The following PDGFD variants were observed in gnomAD, a reference collection of about 807,000 sequenced individuals.
PDGFD encodes platelet derived growth factor D.
A neutral mutation model predicts 44.7 loss-of-function variants in PDGFD; 30 were observed. The ratio of observed to expected loss-of-function variants is 0.67; its 90% confidence interval spans 0.50 to 0.91. The LOEUF (loss-of-function observed/expected upper bound fraction) is 0.91, where lower values mean the gene tolerates loss of function less well. Among genes scored for constraint, PDGFD ranks in the 40% least tolerant of loss-of-function variants. The pLI, the probability that PDGFD is intolerant of heterozygous loss-of-function variation, is 0.00. For missense variants in PDGFD, 445 were observed against 457.8 expected, an observed-to-expected ratio of 0.97 and a Z score of 0.25; for synonymous variants, 173 against 168.4, an observed-to-expected ratio of 1.03 and a Z score of -0.21.
chr11:104,053,997 A>C (rs1405991114), intron 1 of PDGFD, among the ~76,000 whole-genome samples: 1 of 152,182 alleles, frequency 6.6e-6, no homozygotes, highest in African/African-American at 2.4e-5. Flanking sequence ...CCAGCAAACA[A>C]AGAGGCATGT....
At chr11:104,017,134 T>C (rs556608729) in intron 1 of PDGFD, among the ~76,000 whole-genome samples, 7 of 152,238 alleles carry the variant, frequency 4.6e-5, no homozygotes, top group African/African-American at 1.4e-4. Flanking sequence ...TGTGAGGACA[T>C]AGAGAGAAGG....
intron 6 of PDGFD, among the ~76,000 whole-genome samples, chr11:103,916,618 A>G (rs189155340): frequency 2.0e-5 from 3 of 152,290 alleles, no homozygotes; most frequent in East Asian, 1.9e-4. Flanking sequence ...AAATCATTCT[A>G]TTATAAAGAC....
intron 5 of PDGFD, among the ~76,000 whole-genome samples, chr11:103,941,524 A>T (rs1858583661): frequency 6.6e-6 from 1 of 152,120 alleles, no homozygotes; most frequent in South Asian, 2.1e-4. Context: ...TTGAACACGT[A>T]TCAAGTGTCA....
intron 1 of PDGFD, among the ~76,000 whole-genome samples, chr11:104,085,456 A>G (rs1025674407): frequency 2.6e-5 from 4 of 152,182 alleles, no homozygotes; most frequent in African/African-American, 9.7e-5. Context: ...TTACCCATTC[A>G]TTCACTGAAC....
At chr11:103,957,564 A>G (rs933335981) in intron 3 of PDGFD, among the ~76,000 whole-genome samples, 2 of 152,296 alleles carry the variant, frequency 1.3e-5, no homozygotes, top group Admixed American at 1.3e-4. Flanking sequence ...ATAATGCCGC[A>G]TATCTACAAC....
chr11:103,984,159 C>CAT (rs1859316514), intron 3 of PDGFD, among the ~76,000 whole-genome samples: 1 of 151,686 alleles, frequency 6.6e-6, no homozygotes, highest in East Asian at 1.9e-4. Context: ...GGAATCAAGA[C>CAT]ATATGGTCAT....
At chr11:104,119,900 A>G (rs551747963) in intron 1 of PDGFD, among the ~76,000 whole-genome samples, 35 of 123,786 alleles carry the variant, frequency 2.8e-4, no homozygotes, top group African/African-American at 9.6e-4. Context: ...ATAATTATAT[A>G]ATATATAAGC....
In PDGFD at chr11:104,152,066, A is replaced by G. The variant is rs553141312; in HGVS notation, c.124+11738T>C. 6.6e-5 allele frequency among the ~76,000 whole-genome samples: 10 copies of G among 152,290 alleles called. 1 individual carries two copies. The South Asian group carries it at 2.1e-3, about 32-fold the overall frequency. Reference sequence around the variant, plus strand: ...GAGCAGAGACTGTGCCTTAGGTTTGACTATTTCTGCTCCATGGTGCCTCAT... The same window carrying G: ...GAGCAGAGACTGTGCCTTAGGTTTGGCTATTTCTGCTCCATGGTGCCTCAT... On this transcript the variant is annotated intron_variant, in intron 1 of 6. Transcript: ENST00000393158.
intron 1 of PDGFD, among the ~76,000 whole-genome samples, chr11:104,122,099 C>T (rs1861785784): frequency 6.6e-6 from 1 of 151,816 alleles, no homozygotes; most frequent in African/African-American, 2.4e-5. Context: ...AAAAAGCAGC[C>T]CCAAGAAATT....
rs148604160 is a variant in PDGFD, at chr11:104,143,162, C to T, written c.124+20642G>A. Among the ~76,000 whole-genome samples the T allele has an allele frequency of 6.0e-3, 910 of 152,246 alleles. 14 individuals carry two copies. Among genetic ancestry groups the T allele is most frequent in the African/African-American group, 0.021 (873 of 41,538 alleles). ...TGAGCATGCGATCTTAAAAGGTCTG[C>T]TGTGTTTTTAAATGTTTTTTGTTTG... On this transcript the variant is annotated intron_variant, in intron 1 of 6. Transcript: ENST00000393158.
intron 1 of PDGFD, among the ~76,000 whole-genome samples, chr11:104,143,790 C>T (rs10791667): frequency 0.2 from 31,006 of 152,104 alleles, 3,278 homozygotes; most frequent in Middle Eastern, 0.29. Flanking sequence ...CAAAGCACTG[C>T]TTAAAAACCA....
intron 1 of PDGFD, among the ~76,000 whole-genome samples, chr11:104,090,520 T>C (rs574965389): frequency 6.7e-6 from 1 of 149,826 alleles, no homozygotes; most frequent in Non-Finnish European, 1.5e-5. Flanking sequence ...TCCCAGCTAC[T>C]CAGGAGGCTG....
intron 3 of PDGFD, 119 bp downstream of exon 3, chr11:103,995,946 C>A: frequency 2.4e-6 from 2 of 844,118 alleles, no homozygotes; most frequent in East Asian, 2.6e-5. Flanking sequence ...AGGAACAAAC[C>A]ATGTTATAAG....
intron 3 of PDGFD, among the ~76,000 whole-genome samples, chr11:103,949,004 T>A: frequency 7.2e-6 from 1 of 139,572 alleles, no homozygotes; most frequent in East Asian, 2.1e-4. Context: ...ACTTTTTTTT[T>A]TTTTTTTTTT....
chr11:103,986,509 G>A (rs190163350), intron 3 of PDGFD, among the ~76,000 whole-genome samples: 145 of 152,192 alleles, frequency 9.5e-4, no homozygotes, highest in African/African-American at 3.2e-3. Context: ...ACATCAACAA[G>A]TATTTTTCCT....
intron 1 of PDGFD, among the ~76,000 whole-genome samples, chr11:104,059,248 G>A (rs574016796): frequency 6.6e-6 from 1 of 152,256 alleles, no homozygotes; most frequent in African/African-American, 2.4e-5. Flanking sequence ...GAAGTTGTGT[G>A]TTCTTCAAAA....
chr11:104,107,717 G>C (rs1418685118), intron 1 of PDGFD, among the ~76,000 whole-genome samples: 4 of 152,130 alleles, frequency 2.6e-5, no homozygotes, highest in African/African-American at 9.7e-5. Context: ...GTAAGACTTA[G>C]AGCTGTGTGA....
intron 1 of PDGFD, among the ~76,000 whole-genome samples, chr11:104,115,997 G>A (rs1489353942): frequency 2.0e-5 from 3 of 151,836 alleles, no homozygotes; most frequent in Admixed American, 6.6e-5. Flanking sequence ...TTGTCTGCTT[G>A]CTCTGCTGAC....
intron 1 of PDGFD, among the ~76,000 whole-genome samples, chr11:104,118,364 G>C (rs1318252377): frequency 1.3e-5 from 2 of 151,872 alleles, no homozygotes; most frequent in Non-Finnish European, 2.9e-5. Flanking sequence ...CTACAAACCA[G>C]AAAGTGGACT....
Sources: allele counts gnomAD v4.1 joint callset (sites outside exome capture counted in the v4.1 genomes callset), GRCh38; gene constraint gnomAD v4.1.1; transcripts MANE v1.5; gene names NCBI Gene and HGNC (gene_info 2026-07-23, HGNC 2026-07-21).